Variants in TAF4B observed in about 807,000 individuals in gnomAD.
TAF4B encodes the protein transcription initiation factor TFIID subunit 4B.
A neutral mutation model predicts 86.4 loss-of-function variants in TAF4B; 38 were observed. The ratio of observed to expected loss-of-function variants is 0.44; its 90% CI spans 0.34 to 0.58. The LOEUF is 0.58. Ranked by LOEUF, TAF4B falls within the 20% of genes least tolerant of loss-of-function variation. The pLI is 0.02. For synonymous variants in TAF4B, 388 were observed against 391.2 expected (o/e 0.99, Z 0.10); for missense variants, 988 against 1,027.6 (o/e 0.96, Z 0.53).
Position 26,292,249 on chromosome 18 carries a change from G to A in TAF4B, c.1594G>A (p.Val532Ile). 1 of 1,613,762 alleles carries A rather than the reference G, an allele frequency of 6.2e-7. No homozygotes were observed. The highest frequency in any genetic ancestry group is 8.5e-7 in the Non-Finnish European group (1 of 1,179,866). The change falls in exon 8 of 15, where the codon GTT (valine) becomes ATT (isoleucine). Residue 532 changes from valine (V) to isoleucine (I), a missense_variant. By Grantham distance (29) the Val-to-Ile change is conservative (BLOSUM62 3). Transcript: ENST00000269142. ...PQAVQVKQLV[V>I]QQPSGGNEKQ... ...TTGATAGTTCTCATTGTTTCAGGTA[G>A]TTCAGCAGCCTTCAGGAGGCAATGA...
intron 12 of TAF4B, among the ~76,000 whole-genome samples, chr18:26,332,742 G>A (rs1478409925): frequency 6.6e-6 from 1 of 152,002 alleles, no homozygotes; most frequent in Non-Finnish European, 1.5e-5. Context: ...GTTGGCCAGG[G>A]TGGTCTCGAA....
intron 14 of TAF4B, among the ~76,000 whole-genome samples, chr18:26,385,283 TTATC>T (rs1978321686): frequency 6.6e-6 from 1 of 152,218 alleles, no homozygotes; most frequent in African/African-American, 2.4e-5. Context: ...ATGGTGTTAT[TTATC>T]TAAAATTGAT....
intron 9 of TAF4B, among the ~76,000 whole-genome samples, chr18:26,294,132 C>T (rs1370708808): frequency 6.6e-6 from 1 of 151,972 alleles, no homozygotes; most frequent in Non-Finnish European, 1.5e-5. Context: ...TATGCTTTTG[C>T]TATCTAGAAA....
intron 14 of TAF4B, among the ~76,000 whole-genome samples, chr18:26,375,732 AT>A (rs1028479416): frequency 3.3e-5 from 5 of 151,978 alleles, no homozygotes; most frequent in Non-Finnish European, 7.4e-5. Flanking sequence ...CAATTTATCA[AT>A]TTTTTCTTTG....
chr18:26,334,358 G>T (rs907288203), intron 12 of TAF4B, among the ~76,000 whole-genome samples: 42 of 152,052 alleles, frequency 2.8e-4, no homozygotes, highest in Non-Finnish European at 5.4e-4. Flanking sequence ...TATTACCTTA[G>T]TTAACGAAGG....
intron 9 of TAF4B, among the ~76,000 whole-genome samples, chr18:26,309,476 C>T (rs1007460113): frequency 2.6e-5 from 4 of 151,720 alleles, no homozygotes; most frequent in African/African-American, 9.7e-5. Flanking sequence ...TCCATATTAC[C>T]AATGGATGAT....
At chr18:26,369,613 G>A (rs150999465) in intron 14 of TAF4B, among the ~76,000 whole-genome samples, 1,608 of 152,320 alleles carry the variant, frequency 0.011, 14 homozygotes, top group Non-Finnish European at 0.014. Flanking sequence ...CAGCTCAAAG[G>A]CGTTGCTGGC....
intron 9 of TAF4B, among the ~76,000 whole-genome samples, chr18:26,308,310 G>A (rs2056817067): frequency 6.6e-6 from 1 of 152,132 alleles, no homozygotes; most frequent in African/African-American, 2.4e-5. Flanking sequence ...GTGAAGACTT[G>A]GAGATTATAT....
intron 9 of TAF4B, among the ~76,000 whole-genome samples, chr18:26,314,249 A>G (rs1352038563): frequency 6.6e-6 from 1 of 152,234 alleles, no homozygotes; most frequent in Non-Finnish European, 1.5e-5. Context: ...TATGTTATAC[A>G]TTGTCATATA....
rs5823508 is a variant in TAF4B, at chr18:26,304,168, G to GTTT, written c.1832+10651_1832+10653dup. 1.5e-3 allele frequency among the ~76,000 whole-genome samples: 192 copies of GTTT among 125,352 alleles called. 2 individuals are homozygous for GTTT. The highest frequency in any genetic ancestry group is 5.6e-3 in the African/African-American group (185 of 32,988). The allele number at this position is 125,352 out of a possible 152,430, so 82.2% of individuals were successfully genotyped here. On this transcript the variant is annotated intron_variant, in intron 9 of 14. Transcript: ENST00000269142. ...TTGAGATTAGAATTATAGGTCGACT[G>GTTT]TTTTTTTTTTTTTTTTGCTTTGAAG...
rs9952330 is a variant in TAF4B, at chr18:26,375,296, A to G, written c.2422-14549A>G. 4.8e-3 allele frequency among the ~76,000 whole-genome samples: 731 copies of G among 152,224 alleles called. 5 individuals carry two copies. Among genetic ancestry groups the G allele is most frequent in the African/African-American group, 0.017 (695 of 41,556 alleles). The stretch of plus-strand genomic sequence containing the variant: ...ATAATATTCCATTGTATGAATATGC[A>G]TTTTGTTCATTCATCAGCTGAAGGA... On this transcript the variant is annotated intron_variant, in intron 14 of 14. Transcript: ENST00000269142.
intron 1 of TAF4B, among the ~76,000 whole-genome samples, chr18:26,237,095 G>A (rs1010034043): frequency 6.6e-6 from 1 of 152,174 alleles, no homozygotes; most frequent in African/African-American, 2.4e-5. Flanking sequence ...TGTGACTCCA[G>A]TCCCCATGAT....
intron 10 of TAF4B, among the ~76,000 whole-genome samples, chr18:26,317,877 G>T (rs751287906): frequency 6.6e-6 from 1 of 152,182 alleles, no homozygotes; most frequent in Non-Finnish European, 1.5e-5. Context: ...CAACATGAAT[G>T]ACTTTTGGGG....
rs9957250 is a variant in TAF4B, at chr18:26,255,690, C to T, written c.344-9480C>T. On this transcript the variant is annotated intron_variant, in intron 1 of 14. Transcript: ENST00000269142. ...TTTTGTTCCCCTTCTACATAAAAAC[C>T]TCAGTCACCACTCCTGAGTGGAGAT... 0.015 allele frequency: 22,939 copies of T among 1,541,976 alleles called. 2,322 individuals carry two copies. In the African/African-American group the frequency reaches 0.25, roughly 17 times the overall value.
intron 1 of TAF4B, among the ~76,000 whole-genome samples, chr18:26,248,970 A>C (rs967425740): frequency 6.6e-6 from 1 of 151,182 alleles, no homozygotes; most frequent in African/African-American, 2.4e-5. Flanking sequence ...TCAGGAGATC[A>C]AGACCATCCT....
intron 14 of TAF4B, chr18:26,366,169 A>C (rs1038609642): frequency 6.6e-6 from 1 of 152,124 alleles, no homozygotes; most frequent in African/African-American, 2.4e-5. Context: ...TTAAAACCAG[A>C]TCTCTTTGGA....
intron 14 of TAF4B, among the ~76,000 whole-genome samples, chr18:26,376,113 T>C (rs1382399329): frequency 6.6e-6 from 1 of 152,060 alleles, no homozygotes; most frequent in Non-Finnish European, 1.5e-5. Context: ...TATAACTTTG[T>C]AGTAAGTTTT....
At chr18:26,246,822 C>T (rs775943626) in intron 1 of TAF4B, among the ~76,000 whole-genome samples, 9 of 151,732 alleles carry the variant, frequency 5.9e-5, no homozygotes, top group Non-Finnish European at 8.8e-5. Flanking sequence ...CGTGAGCCAC[C>T]GCACCTGGCC....
intron 9 of TAF4B, among the ~76,000 whole-genome samples, chr18:26,300,742 TG>T (rs1490144939): frequency 2.0e-5 from 3 of 152,182 alleles, no homozygotes; most frequent in Admixed American, 6.5e-5. Context: ...TACATCAGTT[TG>T]GTGAAGGTGG....
Sources: allele counts gnomAD v4.1 joint callset (sites outside exome capture counted in the v4.1 genomes callset), GRCh38; gene constraint gnomAD v4.1.1; transcripts MANE v1.5; gene names NCBI Gene and HGNC (gene_info 2026-07-23, HGNC 2026-07-21).